The following RGS7 variants were observed in gnomAD, a reference collection of about 807,000 sequenced individuals.
The protein encoded by RGS7 is regulator of G-protein signaling 7.
Under a neutral mutation model 81.1 loss-of-function variants are expected in RGS7, and 27 were observed. That is an observed-to-expected ratio of 0.33 (90% CI 0.25 to 0.46). The LOEUF (loss-of-function observed/expected upper bound fraction) is 0.46, where lower values mean the gene tolerates loss of function less well. Ranked by LOEUF, RGS7 falls within the 20% of genes least tolerant of loss-of-function variation. The probability of loss-of-function intolerance (pLI) is 1.00; values close to 1 mark genes in which losing one functional copy is unlikely to be tolerated. For missense variants in RGS7, 396 were observed against 607.4 expected (o/e 0.65, Z 3.66); for synonymous variants, 208 against 207.7 (o/e 1.00, Z -0.01).
intron 2 of RGS7, among the ~76,000 whole-genome samples, chr1:241,292,232 A>C (rs1469579389): frequency 6.6e-6 from 1 of 152,206 alleles, no homozygotes; most frequent in Non-Finnish European, 1.5e-5. Flanking sequence ...TACATAAGTA[A>C]AAATACACTC....
chr1:241,345,202 T>C (rs765361869), intron 2 of RGS7, among the ~76,000 whole-genome samples: 1 of 152,106 alleles, frequency 6.6e-6, no homozygotes, highest in Non-Finnish European at 1.5e-5. Context: ...CATGGACACA[T>C]AGAAGGGAAC....
chr1:240,780,711 C>T (rs1048917960), intron 18 of RGS7, among the ~76,000 whole-genome samples: 1 of 151,666 alleles, frequency 6.6e-6, no homozygotes, highest in East Asian at 1.9e-4. Context: ...GTCAAGAGAT[C>T]GAGACTATCC....
intron 2 of RGS7, among the ~76,000 whole-genome samples, chr1:241,174,784 G>A (rs2070982694): frequency 6.6e-6 from 1 of 151,770 alleles, no homozygotes; most frequent in Non-Finnish European, 1.5e-5. Flanking sequence ...ATGAGAGGTG[G>A]TCCTGTGAGT....
At chr1:240,999,969 G>A (rs940896846) in intron 3 of RGS7, among the ~76,000 whole-genome samples, 5 of 152,130 alleles carry the variant, frequency 3.3e-5, no homozygotes, top group South Asian at 4.2e-4. Context: ...CTGGGTTGTC[G>A]TTGGCTTTTG....
chr1:240,775,696 T>TAG lies in RGS7; in HGVS notation c.*523_*524insCT. ...GACAACAGACGAAGACATGAGTTTGTTTCTGACTGTGACACATTGGTGAAA... is the reference window on the plus strand; with the variant it reads ...GACAACAGACGAAGACATGAGTTTGTAGTTCTGACTGTGACACATTGGTGAAA... On this transcript the variant is annotated 3_prime_UTR_variant, in exon 19 of 19. Transcript: ENST00000440928. The TAG allele has an allele frequency of 2.2e-4, 37 of 166,828 alleles. No individual in the cohort carries two copies. The highest frequency in any genetic ancestry group is 1.1e-3 in the East Asian group (7 of 6,440). 10.3% of individuals were successfully genotyped at this position (166,828 alleles called of 1,614,324 possible).
chr1:240,802,568 G>A (rs1005071864), intron 16 of RGS7, among the ~76,000 whole-genome samples: 3 of 152,086 alleles, frequency 2.0e-5, no homozygotes, highest in African/African-American at 7.2e-5. Context: ...TCAAGTTTTT[G>A]ACCTAATGAC....
intron 2 of RGS7, among the ~76,000 whole-genome samples, chr1:241,180,747 C>T (rs781107748): frequency 1.3e-5 from 2 of 152,210 alleles, no homozygotes; most frequent in Non-Finnish European, 2.9e-5. Flanking sequence ...CCTGACTCTG[C>T]TGTGAATTTG....
At chr1:241,016,740 T>C (rs111460196) in intron 3 of RGS7, among the ~76,000 whole-genome samples, 3,656 of 152,242 alleles carry the variant, frequency 0.024, 124 homozygotes, top group African/African-American at 0.078. Context: ...TGGGTTTTTT[T>C]GGAGACAGCA....
intron 9 of RGS7, among the ~76,000 whole-genome samples, chr1:240,829,086 A>G (rs1023771794): frequency 3.3e-5 from 5 of 152,188 alleles, no homozygotes; most frequent in African/African-American, 1.2e-4. Context: ...TAGTATAGCC[A>G]TTGGGCCAAA....
chr1:241,207,911 G>C (rs2074014531), intron 2 of RGS7, among the ~76,000 whole-genome samples: 1 of 152,006 alleles, frequency 6.6e-6, no homozygotes, highest in East Asian at 1.9e-4. Context: ...TGACATCTTT[G>C]CCTTTTTTCT....
chr1:240,898,186 A>G (rs1669405423), intron 6 of RGS7, among the ~76,000 whole-genome samples: 1 of 152,082 alleles, frequency 6.6e-6, no homozygotes, highest in African/African-American at 2.4e-5. Flanking sequence ...CTTCTTGATT[A>G]GTCTTGCTAG....
At chr1:240,933,000 C>T (rs1332512330) in intron 5 of RGS7, among the ~76,000 whole-genome samples, 1 of 147,578 alleles carries the variant, frequency 6.8e-6, no homozygotes, top group Non-Finnish European at 1.5e-5. Flanking sequence ...TCTCCTGCCT[C>T]AGCCTCCCGA....
chr1:241,106,028 G>C lies in RGS7; in HGVS notation c.79-7266C>G, dbSNP rs73127573. ...GGATTTCTTGGGCAGTTAGGTGGTG[G>C]CAGGTTTTCATAATTTAAATTCGCC... is the stretch of plus-strand genomic sequence containing the variant. On this transcript the variant is annotated intron_variant, in intron 2 of 18. Coordinates refer to ENST00000440928, the MANE Select transcript of RGS7 (RefSeq NM_001364886.1). 4.2e-3 allele frequency among the ~76,000 whole-genome samples: 634 copies of C among 152,312 alleles called. 4 individuals carry two copies. Among genetic ancestry groups the C allele is most frequent in the African/African-American group, 0.015 (605 of 41,558 alleles).
chr1:240,883,076 A>G (rs933514585), intron 6 of RGS7, among the ~76,000 whole-genome samples: 1 of 141,542 alleles, frequency 7.1e-6, no homozygotes, highest in Non-Finnish European at 1.5e-5. Context: ...TGAACTCATC[A>G]TTTTTTATGG....
chr1:240,806,170 T>C lies in RGS7; in HGVS notation c.1239A>G (p.Glu413=), dbSNP rs772518203. Residue 413 remains glutamate (E), a synonymous_variant, in exon 15 of 19, where the codon GAA becomes GAG. Coordinates refer to ENST00000440928, the MANE Select transcript of RGS7 (RefSeq NM_001364886.1). ...SYDKTTQNVK[E]PGRYTFEDAQ... is the part of the protein sequence containing the mutation. ...CATCTTCAAATGTGTATCGTCCAGG[T>C]TCCTTCACGTTCTGTGTGGTTTTGT... 6.2e-7 allele frequency: 1 copy of C among 1,613,982 alleles called. No homozygotes were observed. The highest frequency in any genetic ancestry group is 1.1e-5 in the South Asian group (1 of 91,082).
chr1:241,069,078 A>G (rs1216860010), intron 3 of RGS7, among the ~76,000 whole-genome samples: 2 of 152,108 alleles, frequency 1.3e-5, no homozygotes, highest in Admixed American at 1.3e-4. Flanking sequence ...TGCTTCCTCT[A>G]CAGCCTGCAG....
intron 2 of RGS7, among the ~76,000 whole-genome samples, chr1:241,122,257 A>G (rs1277089412): frequency 6.6e-6 from 1 of 152,228 alleles, no homozygotes; most frequent in Non-Finnish European, 1.5e-5. Flanking sequence ...TCTATTTAGC[A>G]TTCTCGTTAC....
intron 2 of RGS7, among the ~76,000 whole-genome samples, chr1:241,333,219 T>C (rs182302944): frequency 6.6e-6 from 1 of 152,320 alleles, no homozygotes; most frequent in Admixed American, 6.5e-5. Flanking sequence ...CTCTACCACT[T>C]TCCTCTCAAG....
intron 2 of RGS7, among the ~76,000 whole-genome samples, chr1:241,338,862 A>C (rs559734738): frequency 6.6e-6 from 1 of 152,172 alleles, no homozygotes; most frequent in African/African-American, 2.4e-5. Flanking sequence ...CCTTATCCCC[A>C]GCCACTTTTA....
Sources: allele counts gnomAD v4.1 joint callset (sites outside exome capture counted in the v4.1 genomes callset), GRCh38; gene constraint gnomAD v4.1.1; transcripts MANE v1.5; gene names NCBI Gene and HGNC (gene_info 2026-07-23, HGNC 2026-07-21).